Variants in RFX4 observed in about 807,000 individuals in gnomAD.
The protein encoded by RFX4 is regulatory factor X4.
In RFX4, 10 loss-of-function variants were observed where a neutral mutation model predicts 95.0. The ratio of observed to expected loss-of-function variants is 0.11; its 90% CI spans 0.06 to 0.18. RFX4 has a LOEUF of 0.18. Ranked by LOEUF, RFX4 falls within the 10% of genes least tolerant of loss-of-function variation. The pLI is 1.00. For synonymous variants in RFX4, 321 were observed against 340.7 expected (o/e 0.94, Z 0.64); for missense variants, 640 against 922.0 (o/e 0.69, Z 3.96).
chr12:106,700,980 T>A (rs890485640), intron 8 of RFX4, among the ~76,000 whole-genome samples: 5 of 152,258 alleles, frequency 3.3e-5, no homozygotes, highest in African/African-American at 1.2e-4. Flanking sequence ...TCTTTGTGTA[T>A]ATCCAACTCA....
chr12:106,669,712 A>T (rs1344166290), intron 4 of RFX4, among the ~76,000 whole-genome samples: 3 of 151,882 alleles, frequency 2.0e-5, no homozygotes, highest in Admixed American at 6.6e-5. Context: ...CAAAGGAAAA[A>T]AAAATACGTA....
chr12:106,684,314 C>T (rs902673358), intron 5 of RFX4, among the ~76,000 whole-genome samples: 2 of 152,144 alleles, frequency 1.3e-5, no homozygotes, highest in African/African-American at 4.8e-5. Flanking sequence ...TTTCAGTGAG[C>T]CACGATTGCA....
At chr12:106,590,387 G>A (rs1360323534) in intron 1 of RFX4, among the ~76,000 whole-genome samples, 1 of 152,202 alleles carries the variant, frequency 6.6e-6, no homozygotes, top group Non-Finnish European at 1.5e-5. Flanking sequence ...AGAAGAAACT[G>A]TAATTATTAA....
At chr12:106,638,085 G>A (rs1464026025) in intron 2 of RFX4, among the ~76,000 whole-genome samples, 4 of 150,366 alleles carry the variant, frequency 2.7e-5, no homozygotes, top group African/African-American at 9.8e-5. Flanking sequence ...TTGGCTCACT[G>A]CAACCTCCAC....
chr12:106,698,922 A>G (rs1408350185), intron 8 of RFX4, among the ~76,000 whole-genome samples: 1 of 151,622 alleles, frequency 6.6e-6, no homozygotes. Flanking sequence ...TTTGCTTTTT[A>G]TCTTTATTCC....
chr12:106,714,090 A>AAAAAAAAAAAAAAC (rs1565991588), intron 10 of RFX4, among the ~76,000 whole-genome samples: 1 of 151,076 alleles, frequency 6.6e-6, no homozygotes, highest in Non-Finnish European at 1.5e-5. Flanking sequence ...AAAAAAAAAA[A>AAAAAAAAAAAAAAC]AGCATGTTCT....
At chr12:106,727,805 G>C (rs2042532209) in intron 13 of RFX4, among the ~76,000 whole-genome samples, 1 of 152,148 alleles carries the variant, frequency 6.6e-6, no homozygotes, top group Non-Finnish European at 1.5e-5. Flanking sequence ...ATCTTTAGTA[G>C]AGACGGAGTT....
intron 13 of RFX4, among the ~76,000 whole-genome samples, chr12:106,728,636 TCTC>T (rs2042550145): frequency 6.6e-6 from 1 of 152,190 alleles, no homozygotes; most frequent in African/African-American, 2.4e-5. Context: ...TAACTGCCTC[TCTC>T]CTCTTGTCTT....
intron 2 of RFX4, among the ~76,000 whole-genome samples, chr12:106,632,972 C>G (rs1370735033): frequency 1.3e-5 from 2 of 152,210 alleles, no homozygotes. Flanking sequence ...TTTTTTCTTA[C>G]CCTTTAGCAC....
At chr12:106,747,887 C>T (rs1005087546) in intron 16 of RFX4, among the ~76,000 whole-genome samples, 5 of 149,922 alleles carry the variant, frequency 3.3e-5, no homozygotes, top group African/African-American at 1.2e-4. Flanking sequence ...GAGATCGCAC[C>T]GCTGAACTCC....
chr12:106,760,820 A>ATG (rs942277410), intron 17 of RFX4, among the ~76,000 whole-genome samples: 5 of 151,636 alleles, frequency 3.3e-5, no homozygotes, highest in African/African-American at 9.8e-5. Flanking sequence ...CCATCTGTAC[A>ATG]TCCATATTTA....
At chr12:106,665,589 C>T (rs946595567) in intron 4 of RFX4, among the ~76,000 whole-genome samples, 35 of 152,042 alleles carry the variant, frequency 2.3e-4, no homozygotes, top group African/African-American at 8.4e-4. Context: ...TCTTCTGCTG[C>T]CCTTTGCAGT....
chr12:106,752,287 A>G (rs1183766702), intron 17 of RFX4, among the ~76,000 whole-genome samples: 1 of 151,110 alleles, frequency 6.6e-6, no homozygotes, highest in Admixed American at 6.6e-5. Flanking sequence ...GTTCTGTTCC[A>G]TTGATCTATA....
chr12:106,707,944 C>A (rs902908890), intron 8 of RFX4, among the ~76,000 whole-genome samples: 2 of 152,246 alleles, frequency 1.3e-5, no homozygotes, highest in African/African-American at 4.8e-5. Flanking sequence ...ACCAGCCTGG[C>A]CAACATGGCG....
At position 106,696,414 on chromosome 12, in the gene RFX4, G is replaced by C. The variant is rs757643716; in HGVS notation, c.801G>C (p.Leu267=). The C allele has an allele frequency of 6.2e-7, 1 of 1,614,152 alleles. No homozygotes were observed. The highest frequency in any genetic ancestry group is 1.1e-5 in the South Asian group (1 of 91,062). The change falls in exon 8 of 18, where the codon CTG becomes CTC. Residue 267 remains leucine, a synonymous_variant. Transcript: ENST00000392842. ...SILYKAISGV[L]MPTVLQALPD... The stretch of plus-strand genomic sequence containing the variant: ...TCTACAAAGCTATCTCCGGGGTGCT[G>C]ATGCCCACTGTGCTGCAGGCATTAC...
intron 4 of RFX4, among the ~76,000 whole-genome samples, chr12:106,658,305 CTGTATT>C (rs1179842541): frequency 6.6e-6 from 1 of 152,128 alleles, no homozygotes; most frequent in Non-Finnish European, 1.5e-5. Context: ...TGGAAACTAG[CTGTATT>C]TTTACTTACT....
intron 13 of RFX4, among the ~76,000 whole-genome samples, chr12:106,725,787 T>C (rs776027585): frequency 7.9e-5 from 12 of 152,034 alleles, no homozygotes; most frequent in East Asian, 1.9e-4. Context: ...CAAAATAGCA[T>C]GGTAGAAATA....
chr12:106,605,421 A>T (rs999470550), intron 1 of RFX4, among the ~76,000 whole-genome samples: 2 of 152,246 alleles, frequency 1.3e-5, no homozygotes, highest in African/African-American at 2.4e-5. Context: ...CTAGGGAAGA[A>T]GTCAGAGGTC....
chr12:106,648,031 G>C (rs2040782149), intron 3 of RFX4, among the ~76,000 whole-genome samples: 1 of 152,202 alleles, frequency 6.6e-6, no homozygotes, highest in Admixed American at 6.5e-5. Flanking sequence ...GAAGTAGTGA[G>C]AGCTTTACAA....
Sources: gnomAD v4.1 joint callset for allele counts (sites outside exome capture counted in the v4.1 genomes callset) on GRCh38, gnomAD v4.1.1 for gene constraint, MANE v1.5 for transcripts, NCBI Gene and HGNC (gene_info 2026-07-23, HGNC 2026-07-21) for gene names.